Variants in EXOC4 observed in about 807,000 individuals in gnomAD.
EXOC4 encodes exocyst complex component 4.
EXOC4 carries 71 observed loss-of-function variants against 107.2 expected under a neutral mutation model. That is an observed-to-expected ratio of 0.66 (90% CI 0.55 to 0.81). The LOEUF (loss-of-function observed/expected upper bound fraction) is 0.81. Among genes scored for constraint, EXOC4 ranks in the 30% least tolerant of loss-of-function variants. EXOC4 has a pLI of 0.00. For synonymous variants in EXOC4, 456 were observed against 441.2 expected, an observed-to-expected ratio of 1.03 and a Z score of -0.42; for missense variants, 1,108 against 1,189.6, an observed-to-expected ratio of 0.93 and a Z score of 1.01.
chr7:133,758,941 A>G (rs758533243), intron 10 of EXOC4, among the ~76,000 whole-genome samples: 5 of 152,324 alleles, frequency 3.3e-5, no homozygotes, highest in Admixed American at 6.5e-5. Context: ...CAAGTGCTTA[A>G]GGAAAAAAAT....
At chr7:133,536,423 T>G (rs191885247) in intron 9 of EXOC4, among the ~76,000 whole-genome samples, 12 of 152,270 alleles carry the variant, frequency 7.9e-5, no homozygotes, top group African/African-American at 2.9e-4. Context: ...ACTTTGACCA[T>G]GCTCTGATCA....
intron 11 of EXOC4, among the ~76,000 whole-genome samples, chr7:133,825,454 A>G (rs1011520830): frequency 1.3e-5 from 2 of 152,128 alleles, no homozygotes; most frequent in African/African-American, 4.8e-5. Flanking sequence ...GTTCAAAGTG[A>G]AAGTTTTTGG....
intron 7 of EXOC4, among the ~76,000 whole-genome samples, chr7:133,465,319 T>C (rs997421142): frequency 6.6e-6 from 1 of 152,216 alleles, no homozygotes; most frequent in African/African-American, 2.4e-5. Context: ...TAGCATTGTC[T>C]CTTTTATTTG....
At chr7:133,760,127 G>A (rs1796002945) in intron 10 of EXOC4, among the ~76,000 whole-genome samples, 1 of 152,194 alleles carries the variant, frequency 6.6e-6, no homozygotes, top group Admixed American at 6.5e-5. Context: ...TACTCTCTTG[G>A]GACAGCCATT....
chr7:133,282,401 A>G (rs1372958083), intron 2 of EXOC4, among the ~76,000 whole-genome samples: 1 of 152,182 alleles, frequency 6.6e-6, no homozygotes, highest in Non-Finnish European at 1.5e-5. Flanking sequence ...ACTTGATATC[A>G]TGGTTTGAAC....
intron 9 of EXOC4, among the ~76,000 whole-genome samples, chr7:133,531,678 T>G (rs920378419): frequency 2.6e-5 from 4 of 152,118 alleles, no homozygotes; most frequent in African/African-American, 9.7e-5. Flanking sequence ...TAGTAGTCCT[T>G]AGGTACATAA....
intron 17 of EXOC4, among the ~76,000 whole-genome samples, chr7:134,020,088 C>T (rs986025453): frequency 5.9e-5 from 9 of 152,212 alleles, no homozygotes; most frequent in Non-Finnish European, 1.3e-4. Flanking sequence ...ACGTCATCAA[C>T]AGCACTGAGC....
intron 10 of EXOC4, among the ~76,000 whole-genome samples, chr7:133,811,951 G>A (rs1442669656): frequency 6.6e-6 from 1 of 152,070 alleles, no homozygotes; most frequent in Non-Finnish European, 1.5e-5. Flanking sequence ...CAAGTCTACT[G>A]TGTGCCAGTC....
In EXOC4 at chr7:133,604,706, CTTTCTTTTTTTTTTTTTTTTTTT is replaced by C. The variant is rs1381166185; in HGVS notation, c.1418-25335_1418-25313del. On this transcript the variant is annotated intron_variant, in intron 9 of 17. Transcript: ENST00000253861. ...TTTTTCTTTCCTTCCTTCCTTCCTT[CTTTCTTTTTTTTTTTTTTTTTTT>C]TTTTTTTTTTTTGAGGCAGAGTCTC... Among the ~76,000 whole-genome samples, 21 of 87,536 alleles carry C rather than the reference CTTTCTTTTTTTTTTTTTTTTTTT, an allele frequency of 2.4e-4. 1 individual carries two copies. Among genetic ancestry groups the C allele is most frequent in the Non-Finnish European group, 3.4e-4 (15 of 44,064 alleles). The allele number at this position is 87,536 out of a possible 152,430, so 57.4% of individuals were successfully genotyped here.
intron 9 of EXOC4, among the ~76,000 whole-genome samples, chr7:133,572,006 T>C (rs991363057): frequency 4.6e-5 from 7 of 152,186 alleles, no homozygotes; most frequent in South Asian, 2.1e-4. Flanking sequence ...TAGCAGAAGG[T>C]TAATGAAAAA....
chr7:133,383,340 C>T lies in EXOC4; in HGVS notation c.1182+8338C>T, dbSNP rs191494486. ...CCATTGTTGACTTAAATGTGTAACT[C>T]CTTGGCATGCTAAGCAGTGTCTACA... On this transcript the variant is annotated intron_variant, in intron 7 of 17. Coordinates refer to ENST00000253861, the MANE Select transcript of EXOC4 (RefSeq NM_021807.4). Among the ~76,000 whole-genome samples, 183 of 152,244 alleles carry T rather than the reference C, an allele frequency of 1.2e-3. 1 individual carries two copies. The highest frequency in any genetic ancestry group is 1.6e-3 in the Non-Finnish European group (111 of 68,022).
the EXOC4 span, among the ~76,000 whole-genome samples, chr7:134,100,596 T>A: frequency 3.8e-5 from 5 of 130,084 alleles, 2 homozygotes; most frequent in East Asian, 1.1e-3. Context: ...AAAGGAGCCA[T>A]GTATGGGAAG....
intron 11 of EXOC4, among the ~76,000 whole-genome samples, chr7:133,839,252 TCTGA>T (rs1220709574): frequency 6.6e-6 from 1 of 152,010 alleles, no homozygotes; most frequent in African/African-American, 2.4e-5. Context: ...TTCCCCGAAC[TCTGA>T]CTTTTTCCTG....
At chr7:133,641,861 A>C (rs1332178020) in intron 10 of EXOC4, among the ~76,000 whole-genome samples, 1 of 152,192 alleles carries the variant, frequency 6.6e-6, no homozygotes, top group Non-Finnish European at 1.5e-5. Context: ...ATAGAGGTGC[A>C]TCAATGCTCA....
the EXOC4 span, among the ~76,000 whole-genome samples, chr7:134,074,257 C>A: frequency 1.3e-5 from 2 of 152,192 alleles, no homozygotes; most frequent in Non-Finnish European, 2.9e-5. Context: ...CCTTTCAAAA[C>A]AATAGGCTGC....
At position 133,410,746 on chromosome 7, in the gene EXOC4, G is replaced by A. The variant is rs151307539; in HGVS notation, c.1182+35744G>A. On this transcript the variant is annotated intron_variant, in intron 7 of 17. Transcript: ENST00000253861. ...TGCGCAGAAATACTGTTAGCTGTGAGTTTCTTTTCTATATATGCTTATATA... is the reference window on the plus strand; with the variant it reads ...TGCGCAGAAATACTGTTAGCTGTGAATTTCTTTTCTATATATGCTTATATA... 5.3e-5 allele frequency among the ~76,000 whole-genome samples: 8 copies of A among 152,206 alleles called. 1 individual carries two copies. Among genetic ancestry groups the A allele is most frequent in the African/African-American group, 1.9e-4 (8 of 41,514 alleles).
At chr7:133,406,913 T>C (rs192744263) in intron 7 of EXOC4, among the ~76,000 whole-genome samples, 1 of 152,334 alleles carries the variant, frequency 6.6e-6, no homozygotes, top group African/African-American at 2.4e-5. Flanking sequence ...TCCTAAAGTG[T>C]GTGCCATGAA....
intron 9 of EXOC4, among the ~76,000 whole-genome samples, chr7:133,587,279 G>A (rs1801429717): frequency 6.6e-6 from 1 of 152,178 alleles, no homozygotes; most frequent in Non-Finnish European, 1.5e-5. Flanking sequence ...TTTAATACTT[G>A]TTTTGTCCAG....
At chr7:133,366,782 A>G (rs1487325233) in intron 6 of EXOC4, among the ~76,000 whole-genome samples, 1 of 152,200 alleles carries the variant, frequency 6.6e-6, no homozygotes, top group Non-Finnish European at 1.5e-5. Context: ...CATGCCAAAT[A>G]TTGGAATACA....
Sources: gnomAD v4.1 joint callset for allele counts (sites outside exome capture counted in the v4.1 genomes callset) on GRCh38, gnomAD v4.1.1 for gene constraint, MANE v1.5 for transcripts, NCBI Gene and HGNC (gene_info 2026-07-23, HGNC 2026-07-21) for gene names.